PLPP2: variants seen among roughly 807,000 people sequenced by gnomAD.
PLPP2 encodes PAP2-gamma.
PLPP2 carries 29 observed loss-of-function variants against 35.2 expected under a neutral mutation model. The ratio of observed to expected loss-of-function variants is 0.82; its 90% CI spans 0.61 to 1.12. The LOEUF is 1.12. PLPP2 is among the 50% of genes most tolerant of loss of function. The pLI is 0.00. For missense variants in PLPP2, 353 were observed against 375.2 expected (o/e 0.94, Z 0.49); for synonymous variants, 162 against 167.0 (o/e 0.97, Z 0.23).
chr19:288,339 C>T, intron 1 of PLPP2, 168 bp from the exon 2 acceptor site: 1 of 575,330 alleles, frequency 1.7e-6, no homozygotes, highest in South Asian at 3.1e-5. Flanking sequence ...TCCCCTCAGA[C>T]AAACACAAAC....
Position 287,667 on chromosome 19 carries a change from T to C in PLPP2, c.289A>G (p.Lys97Glu). The C allele has an allele frequency of 1.9e-6, 3 of 1,613,908 alleles. No individual in the cohort carries two copies. The highest frequency in any genetic ancestry group is 2.5e-6 in the Non-Finnish European group (3 of 1,180,026). Reference protein sequence around the residue: ...DFNNYVAAVYKVLGTFLFGAA... With the variant: ...DFNNYVAAVYEVLGTFLFGAA... ...CCAAACAGGAAGGTCCCCAGCACCT[T>C]GTATACAGCAGCCACGTAGTTGTTG... is the stretch of plus-strand genomic sequence containing the variant. Residue 97 changes from lysine (K) to glutamate (E), a missense_variant, in exon 3 of 6, where the codon AAG (lysine) becomes GAG (glutamate). Lys to Glu is a moderately conservative substitution (Grantham distance 56). Transcript: ENST00000434325. The surrounding 1 kb of genome is among the most constrained non-coding windows in gnomAD (Gnocchi z 4.3).
At chr19:288,296 T>C in intron 1 of PLPP2, 125 bp from the exon 2 acceptor site, 1 of 969,264 alleles carries the variant, frequency 1.0e-6, no homozygotes, top group Non-Finnish European at 1.5e-6. Context: ...AGGAAGAGCT[T>C]TTTTCACAGC....
In PLPP2 at chr19:287,072, G is replaced by GA. The variant is rs200700105; in HGVS notation, c.482+401dup. On this transcript the variant is annotated intron_variant, in intron 3 of 5. Transcript: ENST00000434325. The surrounding 1 kb of genome is among the most constrained non-coding windows in gnomAD (Gnocchi z 4.3). Reference sequence around the variant, plus strand: ...TAAACAGGTTGAAAGTCCAAGAATGGAAAAAAAAAATATTCCATGCAAACA... The same window carrying GA: ...TAAACAGGTTGAAAGTCCAAGAATGGAAAAAAAAAAATATTCCATGCAAACA... 272 of 172,504 alleles carry GA rather than the reference G, an allele frequency of 1.6e-3. No individual in the cohort carries two copies. Among genetic ancestry groups the GA allele is most frequent in the Middle Eastern group, 5.6e-3 (2 of 360 alleles). 10.7% of individuals were successfully genotyped at this position (172,504 alleles called of 1,614,324 possible). A position where few individuals can be genotyped will look rare whatever the true frequency, so the allele number is the denominator to read the frequency against.
Position 287,962 on chromosome 19 carries a change from GT to G in PLPP2, c.204+57del. 2 of 1,515,178 alleles carry G rather than the reference GT, an allele frequency of 1.3e-6. No individual in the cohort carries two copies. Among genetic ancestry groups the G allele is most frequent in the Admixed American group, 3.9e-5 (2 of 51,296 alleles). The allele number at this position is 1,515,178 out of a possible 1,614,324, so 93.9% of individuals were successfully genotyped here. The stretch of plus-strand genomic sequence containing the variant: ...GCCACCCCCCCATCAGGCCCCCAGG[GT>G]AAAGCTGGCCCCACCCCATCCCCCT... On this transcript the variant is annotated intron_variant, in intron 2 of 5. Coordinates refer to ENST00000434325, the MANE Select transcript of PLPP2 (RefSeq NM_003712.4). This position sits in a 1 kb window ranked among gnomAD's most constrained non-coding sequence, Gnocchi z 4.3.
chr19:282,722 G>C (rs751363650), intron 4 of PLPP2, 30 bp downstream of exon 4: 1 of 1,603,594 alleles, frequency 6.2e-7, no homozygotes, highest in South Asian at 1.1e-5. Context: ...TGGTTCCCCC[G>C]AAAAGCAAGC....
Position 287,387 on chromosome 19 carries a change from C to T in PLPP2, c.482+87G>A, listed in dbSNP as rs1294732456. 1 of 1,514,918 alleles carries T rather than the reference C, an allele frequency of 6.6e-7. No homozygotes were observed. The highest frequency in any genetic ancestry group is 8.9e-7 in the Non-Finnish European group (1 of 1,128,564). The allele number at this position is 1,514,918 out of a possible 1,614,324, so 93.8% of individuals were successfully genotyped here. On this transcript the variant is annotated intron_variant, in intron 3 of 5. Coordinates refer to ENST00000434325, the MANE Select transcript of PLPP2 (RefSeq NM_003712.4). The surrounding 1 kb of genome is among the most constrained non-coding windows in gnomAD (Gnocchi z 4.3). ...TGGTGGCGCACGCCTGTAGTCTCAGCTGCCTGCTGGCTCTTCATGATTTGG... is the reference window on the plus strand; with the variant it reads ...TGGTGGCGCACGCCTGTAGTCTCAGTTGCCTGCTGGCTCTTCATGATTTGG...
rs1231286027 is a variant in PLPP2 at position 281,170 on chromosome 19, G to A, written c.*218C>T. On this transcript the variant is annotated 3_prime_UTR_variant, in exon 6 of 6. Transcript: ENST00000434325. ...AGAAGGGGATATTTGGGGACCGACG[G>A]GAACAGGTTCCCCTCCAAATGCTGA... 2 of 407,004 alleles carry A rather than the reference G, an allele frequency of 4.9e-6. No individual in the cohort carries two copies. The highest frequency in any genetic ancestry group is 3.6e-5 in the East Asian group (1 of 27,662). 25.2% of individuals were successfully genotyped at this position (407,004 alleles called of 1,614,324 possible). A position where few individuals can be genotyped will look rare whatever the true frequency, so the allele number is the denominator to read the frequency against.
In PLPP2 at chr19:287,579, T is replaced by G; in HGVS notation, c.377A>C (p.Asn126Thr). 6.2e-7 allele frequency: 1 copy of G among 1,613,732 alleles called. No homozygotes were observed. Among genetic ancestry groups the G allele is most frequent in the Non-Finnish European group, 8.5e-7 (1 of 1,180,006 alleles). Reference sequence around the variant, plus strand: ...GTCGGGGTCGCAGACGGCTAGGAAGTTGGGCCTCAGACGCCCAATCATGTA... The same window carrying G: ...GTCGGGGTCGCAGACGGCTAGGAAGGTGGGCCTCAGACGCCCAATCATGTA... ...AKYMIGRLRP[N>T]FLAVCDPDWS... is the part of the protein sequence containing the mutation. Residue 126 changes from asparagine to threonine, a missense_variant, in exon 3 of 6, where the codon AAC becomes ACC. Coordinates refer to ENST00000434325, the MANE Select transcript of PLPP2 (RefSeq NM_003712.4). This position sits in a 1 kb window ranked among gnomAD's most constrained non-coding sequence, Gnocchi z 4.3.
In PLPP2 at chr19:282,161, C is replaced by T; in HGVS notation, c.690G>A (p.Leu230=). Residue 230 remains leucine, a synonymous_variant, in exon 5 of 6, where the codon CTG becomes CTA. Transcript: ENST00000434325. ...TGAGGGCAGCCACCAGTGCCCCCTG[C>T]AGGAGGCCAACAAGGACATCGCTCC... is the stretch of plus-strand genomic sequence containing the variant. The part of the protein sequence containing the change: ...HHWSDVLVGL[L]QGALVAALTV... 1 of 1,613,708 alleles carries T rather than the reference C, an allele frequency of 6.2e-7. No individual in the cohort carries two copies. Among genetic ancestry groups the T allele is most frequent in the Non-Finnish European group, 8.5e-7 (1 of 1,179,826 alleles).
At chr19:283,955 A>T (rs1418760297) in intron 3 of PLPP2, 3 of 152,232 alleles carry the variant, frequency 2.0e-5, no homozygotes. Flanking sequence ...AAAGTCATTA[A>T]ACAAATAACT....
chr19:282,704 T>C (rs371912149), intron 4 of PLPP2, 48 bp downstream of exon 4: 44 of 1,565,092 alleles, frequency 2.8e-5, no homozygotes, highest in Non-Finnish European at 3.5e-5. Flanking sequence ...AAGGGAGTGA[T>C]TTAGCCATGG....
chr19:289,456 G>A (rs960651452), intron 1 of PLPP2, among the ~76,000 whole-genome samples: 13 of 80,930 alleles, frequency 1.6e-4, no homozygotes, highest in Non-Finnish European at 2.7e-4. Context: ...CAGGCCCGGC[G>A]TGGTGGCTCA....
chr19:287,945 C>T lies in PLPP2; in HGVS notation c.204+75G>A. 1.3e-6 allele frequency: 2 copies of T among 1,549,812 alleles called. No individual in the cohort carries two copies. Among genetic ancestry groups the T allele is most frequent in the South Asian group, 2.4e-5 (2 of 84,612 alleles). Reference sequence around the variant, plus strand: ...CTCCAGGGCAGGGCTGTGCCACCCCCCCATCAGGCCCCCAGGGTAAAGCTG... The same window carrying T: ...CTCCAGGGCAGGGCTGTGCCACCCCTCCATCAGGCCCCCAGGGTAAAGCTG... On this transcript the variant is annotated intron_variant, in intron 2 of 5. Transcript: ENST00000434325. This position sits in a 1 kb window ranked among gnomAD's most constrained non-coding sequence, Gnocchi z 4.3.
At chr19:282,869 C>A (rs368979165) in intron 3 of PLPP2, 60 bp from the exon 4 acceptor site, 3 of 1,516,190 alleles carry the variant, frequency 2.0e-6, no homozygotes, top group Non-Finnish European at 2.7e-6. Flanking sequence ...CCCTTGTCCC[C>A]GCCCCGCCCA....
At position 282,158 on chromosome 19, in the gene PLPP2, C is replaced by T. The variant is rs1009903503; in HGVS notation, c.693G>A (p.Gln231=). ...CAGTGAGGGCAGCCACCAGTGCCCC[C>T]TGCAGGAGGCCAACAAGGACATCGC... The part of the protein sequence containing the change: ...HWSDVLVGLL[Q]GALVAALTVC... Residue 231 remains glutamine (Q), a synonymous_variant, in exon 5 of 6, where the codon CAG becomes CAA. Transcript: ENST00000434325. The T allele has an allele frequency of 6.2e-6, 10 of 1,613,670 alleles. No individual in the cohort carries two copies. Among genetic ancestry groups the T allele is most frequent in the Non-Finnish European group, 7.6e-6 (9 of 1,179,796 alleles).
Position 287,888 on chromosome 19 carries a change from G to A in PLPP2, c.204+132C>T. On this transcript the variant is annotated intron_variant, in intron 2 of 5. Coordinates refer to ENST00000434325, the MANE Select transcript of PLPP2 (RefSeq NM_003712.4). The surrounding 1 kb of genome is among the most constrained non-coding windows in gnomAD (Gnocchi z 4.3). ...CCTATTACCCACAGGTACCACTCAG[G>A]GCAAGGCTGTGTCCCCCGGCCCCAC... 6.6e-7 allele frequency: 1 copy of A among 1,511,722 alleles called. No individual in the cohort carries two copies. Among genetic ancestry groups the A allele is most frequent in the South Asian group, 1.3e-5 (1 of 78,316 alleles). 93.6% of individuals were successfully genotyped at this position (1,511,722 alleles called of 1,614,324 possible). A position where few individuals can be genotyped will look rare whatever the true frequency, so the allele number is the denominator to read the frequency against.
chr19:282,864 G>T (rs1417674018), intron 3 of PLPP2, 55 bp from the exon 4 acceptor site: 25 of 1,536,340 alleles, frequency 1.6e-5, no homozygotes, highest in Non-Finnish European at 2.7e-6. Flanking sequence ...CCTCCCCCTT[G>T]TCCCCGCCCC....
chr19:284,723 G>T (rs1339222538), intron 3 of PLPP2: 2 of 152,206 alleles, frequency 1.3e-5, no homozygotes, highest in Non-Finnish European at 2.9e-5. Context: ...GTTATAAAAA[G>T]GAACCAAATA....
At position 287,631 on chromosome 19, in the gene PLPP2, T is replaced by A. The variant is rs141116978; in HGVS notation, c.325A>T (p.Ser109Cys). The change falls in exon 3 of 6, where the codon AGC becomes TGC. Residue 109 changes from serine (S) to cysteine (C), a missense_variant. Ser to Cys is a moderately radical substitution (Grantham distance 112, BLOSUM62 -1). Coordinates refer to ENST00000434325, the MANE Select transcript of PLPP2 (RefSeq NM_003712.4). The surrounding 1 kb of genome is among the most constrained non-coding windows in gnomAD (Gnocchi z 4.3). The stretch of plus-strand genomic sequence containing the variant: ...TTGGCCAGGTCTGTCAGAGACTGGC[T>A]CACGGCAGCCCCAAACAGGAAGGTC... ...LGTFLFGAAVSQSLTDLAKYM... is the reference protein window; with the variant it reads ...LGTFLFGAAVCQSLTDLAKYM... 1 of 1,613,798 alleles carries A rather than the reference T, an allele frequency of 6.2e-7. No individual in the cohort carries two copies. The highest frequency in any genetic ancestry group is 1.3e-5 in the African/African-American group (1 of 74,926).
Sources: gnomAD v4.1 joint callset for allele counts (sites outside exome capture counted in the v4.1 genomes callset) on GRCh38, gnomAD v4.1.1 for gene constraint, Gnocchi (gnomAD v3.1) non-coding constraint, MANE v1.5 for transcripts, NCBI Gene and HGNC (gene_info 2026-07-23, HGNC 2026-07-21) for gene names.